The following STK25 variants were observed in gnomAD, a reference collection of about 807,000 sequenced individuals.
STK25 encodes the protein serine/threonine-protein kinase 25.
A neutral mutation model predicts 53.8 loss-of-function variants in STK25; 29 were observed. The observed-to-expected ratio is 0.54, with a 90% confidence interval of 0.40 to 0.74. The LOEUF (loss-of-function observed/expected upper bound fraction) is 0.74. Ranked by LOEUF, STK25 falls within the 30% of genes least tolerant of loss-of-function variation. The probability of loss-of-function intolerance (pLI) is 0.00; values close to 1 mark genes in which losing one functional copy is unlikely to be tolerated. For missense variants in STK25, 420 were observed against 568.0 expected, an observed-to-expected ratio of 0.74 and a Z score of 2.65; for synonymous variants, 247 against 238.3, an observed-to-expected ratio of 1.04 and a Z score of -0.33.
At position 241,496,526 on chromosome 2, in the gene STK25, C is replaced by G; in HGVS notation, c.1113G>C (p.Glu371Asp). The G allele has an allele frequency of 1.2e-6, 2 of 1,613,450 alleles. No individual in the cohort carries two copies. The highest frequency in any genetic ancestry group is 8.5e-7 in the Non-Finnish European group (1 of 1,179,796). The part of the protein sequence containing the change: ...LVRPVFGELK[E>D]KHKQSGGSVG... Reference sequence around the variant, plus strand: ...CGCTCCCGCCGCTCTGCTTGTGCTTCTCTTTGAGCTGTGAAAAGACCACCA... The same window carrying G: ...CGCTCCCGCCGCTCTGCTTGTGCTTGTCTTTGAGCTGTGAAAAGACCACCA... Residue 371 changes from glutamate to aspartate, a missense_variant, in exon 11 of 12, where the codon GAG becomes GAC. Physicochemically the swap from Glu to Asp is conservative, Grantham distance 45. Coordinates refer to ENST00000316586, the MANE Select transcript of STK25 (RefSeq NM_001271977.2). This position sits in a 1 kb window ranked among gnomAD's most constrained non-coding sequence, Gnocchi z 5.8.
chr2:241,499,989 C>G (rs1173340740), intron 5 of STK25, 184 bp downstream of exon 5: 1 of 691,520 alleles, frequency 1.4e-6, no homozygotes. Context: ...TACAAGGAAA[C>G]CGTTACAAGT....
At chr2:241,507,941 C>A in intron 2 of STK25, 65 bp downstream of exon 2, 1 of 1,481,866 alleles carries the variant, frequency 6.7e-7, no homozygotes, top group East Asian at 2.5e-5. Flanking sequence ...CCCTCTGAAC[C>A]CCCAGGAGAC....
rs765038073 is a variant in STK25 at position 241,501,706 on chromosome 2, G to A, written c.33C>T (p.His11=). Residue 11 remains histidine, a splice_region_variant and synonymous_variant, in exon 3 of 12, where the codon CAC becomes CAT. Transcript: ENST00000316586. The surrounding 1 kb of genome is among the most constrained non-coding windows in gnomAD (Gnocchi z 5.3). Reference sequence around the variant, plus strand: ...AGAGCTCCTCAGGGTCCACTCGAGAGTGCTGTGGGGCCAGGGCGGGGACAG... The same window carrying A: ...AGAGCTCCTCAGGGTCCACTCGAGAATGCTGTGGGGCCAGGGCGGGGACAG... The part of the protein sequence containing the change: MAHLRGFANQ[H]SRVDPEELFT... 6.8e-6 allele frequency: 11 copies of A among 1,611,350 alleles called. No individual in the cohort carries two copies. In the East Asian group the frequency reaches 2.5e-4, roughly 36 times the overall value.
intron 2 of STK25, among the ~76,000 whole-genome samples, chr2:241,505,543 T>TCTAC (rs1395576456): frequency 5.3e-5 from 8 of 152,172 alleles, no homozygotes; most frequent in African/African-American, 1.9e-4. Context: ...CCCGCCCTGC[T>TCTAC]CTACTCCCTG....
chr2:241,508,125 G>A lies in STK25; in HGVS notation c.-90C>T, dbSNP rs997688851. 186 of 1,526,722 alleles carry A rather than the reference G, an allele frequency of 1.2e-4. No homozygotes were observed. The South Asian group carries it at 2.3e-3, about 19-fold the overall frequency. 94.6% of individuals were successfully genotyped at this position (1,526,722 alleles called of 1,614,324 possible). On this transcript the variant is annotated 5_prime_UTR_variant, in exon 2 of 12. Transcript: ENST00000316586. Reference sequence around the variant, plus strand: ...CGGAGCCGGCTAGCTCGCCCCTGCGGCGTCAGTCCACTGCGAGGGACACCA... The same window carrying A: ...CGGAGCCGGCTAGCTCGCCCCTGCGACGTCAGTCCACTGCGAGGGACACCA...
At chr2:241,504,049 C>A (rs868560490) in intron 2 of STK25, 4 of 471,114 alleles carry the variant, frequency 8.5e-6, no homozygotes, top group Non-Finnish European at 1.8e-5. Flanking sequence ...TTGAAACATG[C>A]CGCTGCACAT....
rs1190049668 is a variant in STK25 at position 241,501,848 on chromosome 2, TTTC to T, written c.31-143_31-141del. ...GGAGCGCACCTCAATTCTTCTCTGG[TTTC>T]TTCCTTTCTCCCTTTTTGTTCAAAA... On this transcript the variant is annotated intron_variant, in intron 2 of 11. Coordinates refer to ENST00000316586, the MANE Select transcript of STK25 (RefSeq NM_001271977.2). This position sits in a 1 kb window ranked among gnomAD's most constrained non-coding sequence, Gnocchi z 5.3. 1.6e-5 allele frequency: 10 copies of T among 625,532 alleles called. No individual in the cohort carries two copies. The highest frequency in any genetic ancestry group is 2.9e-5 in the Admixed American group (1 of 34,324). 38.7% of individuals were successfully genotyped at this position (625,532 alleles called of 1,614,324 possible). A position where few individuals can be genotyped will look rare whatever the true frequency, so the allele number is the denominator to read the frequency against.
At position 241,496,618 on chromosome 2, in the gene STK25, C is replaced by A. The variant is rs939857183; in HGVS notation, c.1105-84G>T. The A allele has an allele frequency of 5.3e-6, 8 of 1,500,396 alleles. No homozygotes were observed. The highest frequency in any genetic ancestry group is 1.2e-5 in the South Asian group (1 of 81,304). 92.9% of individuals were successfully genotyped at this position (1,500,396 alleles called of 1,614,324 possible). A position where few individuals can be genotyped will look rare whatever the true frequency, so the allele number is the denominator to read the frequency against. ...CTCCTTTGCTCGGCCACAGTGATGC[C>A]GGAGGCCTTCAGGGCTCTCGCCTAG... On this transcript the variant is annotated intron_variant, in intron 10 of 11. Transcript: ENST00000316586. This position sits in a 1 kb window ranked among gnomAD's most constrained non-coding sequence, Gnocchi z 5.8.
Position 241,497,664 on chromosome 2 carries a change from C to A in STK25, c.1056G>T (p.Gln352His), listed in dbSNP as rs1485066771. The part of the protein sequence containing the change: ...SQKPAEPVKR[Q>H]PRSQCLSTLV... ...GCGTGGACAGGCACTGGGACCTCGG[C>A]TGCCTCTTGACGGGCTCCGCAGGCT... is the stretch of plus-strand genomic sequence containing the variant. The change falls in exon 10 of 12, where the codon CAG becomes CAT. Residue 352 changes from glutamine to histidine, a missense_variant. By Grantham distance (24) the Gln-to-His change is conservative. Transcript: ENST00000316586. 6.2e-7 allele frequency: 1 copy of A among 1,613,504 alleles called. No individual in the cohort carries two copies. The highest frequency in any genetic ancestry group is 1.3e-5 in the African/African-American group (1 of 75,072).
In STK25 at chr2:241,508,031, G is replaced by T. The variant is rs1353339067; in HGVS notation, c.5C>A (p.Ala2Asp). Residue 2 changes from alanine (A) to aspartate (D), a missense_variant, in exon 2 of 12, where the codon GCT becomes GAT. Ala to Asp is a moderately radical substitution (Grantham distance 126). Coordinates refer to ENST00000316586, the MANE Select transcript of STK25 (RefSeq NM_001271977.2). M[A>D]HLRGFANQHS... ...CTGGTTGGCAAATCCCCGGAGGTGA[G>T]CCATGGCCGCGCCGCCTCAGACCCT... 6.2e-7 allele frequency: 1 copy of T among 1,605,250 alleles called. No homozygotes were observed. Among genetic ancestry groups the T allele is most frequent in the Admixed American group, 1.7e-5 (1 of 59,052 alleles).
chr2:241,503,836 A>G (rs1043529052), intron 2 of STK25, among the ~76,000 whole-genome samples: 1 of 151,812 alleles, frequency 6.6e-6, no homozygotes, highest in African/African-American at 2.4e-5. Flanking sequence ...AGGATGGGGT[A>G]CACCACACAC....
At chr2:241,497,909 T>A in intron 9 of STK25, among the ~76,000 whole-genome samples, 1 of 147,738 alleles carries the variant, frequency 6.8e-6, no homozygotes, top group Non-Finnish European at 1.5e-5. Flanking sequence ...ACTCCCACCC[T>A]CTCCTGACTC....
chr2:241,498,507 G>GCCTTGAGGGGGTC, intron 8 of STK25, 132 bp downstream of exon 8: 1 of 1,320,984 alleles, frequency 7.6e-7, no homozygotes, highest in Non-Finnish European at 1.0e-6. Flanking sequence ...CTGTCCTGCA[G>GCCTTGAGGGGGTC]CCTTGAGGGG....
At position 241,508,433 on chromosome 2, in the gene STK25, G is replaced by GCGCGCCCACCTC; in HGVS notation, c.-103_-101+9dup. ...ATCGCCGCAAGCGCCCCGCCCGGCAGCGCGCCCACCTCCGCGGGGCTCCAT... is the reference window on the plus strand; with the variant it reads ...ATCGCCGCAAGCGCCCCGCCCGGCAGCGCGCCCACCTCCGCGCCCACCTCCGCGGGGCTCCAT... On this transcript the variant is annotated intron_variant, in intron 1 of 11. Transcript: ENST00000316586. The GCGCGCCCACCTC allele has an allele frequency of 9.3e-7, 1 of 1,079,232 alleles. No homozygotes were observed. The highest frequency in any genetic ancestry group is 1.1e-6 in the Non-Finnish European group (1 of 886,570). The allele number at this position is 1,079,232 out of a possible 1,614,324, so 66.9% of individuals were successfully genotyped here.
At chr2:241,508,237 C>CA (rs2065976154) in intron 1 of STK25, 102 bp from the exon 2 acceptor site, 2 of 1,313,162 alleles carry the variant, frequency 1.5e-6, no homozygotes, top group South Asian at 2.1e-5. Context: ...GGAGACCCCC[C>CA]AGGCCGCCGG....
chr2:241,507,678 T>C (rs548903904), intron 2 of STK25, among the ~76,000 whole-genome samples: 3 of 152,352 alleles, frequency 2.0e-5, no homozygotes, highest in South Asian at 4.1e-4. Flanking sequence ...GATGCTGACA[T>C]GAGGTTCCCG....
chr2:241,503,252 A>G (rs2065614573), intron 2 of STK25, among the ~76,000 whole-genome samples: 1 of 151,958 alleles, frequency 6.6e-6, no homozygotes, highest in East Asian at 2.0e-4. Flanking sequence ...TTTAGTAGAG[A>G]TAAGGTTTCA....
upstream of STK25, chr2:241,509,413 G>C (rs964366357): frequency 2.6e-5 from 4 of 152,336 alleles, no homozygotes; most frequent in Non-Finnish European, 5.9e-5. Flanking sequence ...CCAGGTCATA[G>C]TGCCCCCTGT....
At position 241,501,950 on chromosome 2, in the gene STK25, T is replaced by C; in HGVS notation, c.31-242A>G. The C allele has an allele frequency of 2.3e-6, 1 of 444,340 alleles. No homozygotes were observed. The highest frequency in any genetic ancestry group is 4.2e-6 in the Non-Finnish European group (1 of 239,400). 27.5% of individuals were successfully genotyped at this position (444,340 alleles called of 1,614,324 possible). ...TGGGAGGCCGAGGCAGGTGGATCAC[T>C]TGAGGTCAGGAGTTCGAGACCAGCC... is the stretch of plus-strand genomic sequence containing the variant. On this transcript the variant is annotated intron_variant, in intron 2 of 11. Coordinates refer to ENST00000316586, the MANE Select transcript of STK25 (RefSeq NM_001271977.2). The surrounding 1 kb of genome is among the most constrained non-coding windows in gnomAD (Gnocchi z 5.3).
Sources: allele counts gnomAD v4.1 joint callset (sites outside exome capture counted in the v4.1 genomes callset), GRCh38; gene constraint gnomAD v4.1.1; non-coding constraint Gnocchi (gnomAD v3.1); transcripts MANE v1.5; gene names NCBI Gene and HGNC (gene_info 2026-07-23, HGNC 2026-07-21).